IRAG1: variants seen among roughly 807,000 people sequenced by gnomAD.
IRAG1 encodes inositol 1,4,5-triphosphate receptor associated 1.
Under a neutral mutation model 106.2 loss-of-function variants are expected in IRAG1, and 62 were observed. The observed-to-expected ratio is 0.58, with a 90% CI of 0.48 to 0.72. The LOEUF (loss-of-function observed/expected upper bound fraction) is 0.72, where lower values mean the gene tolerates loss of function less well. IRAG1 is among the 30% of genes least tolerant of loss of function. The probability of loss-of-function intolerance (pLI) is 0.00; values close to 1 mark genes in which losing one functional copy is unlikely to be tolerated. For missense variants in IRAG1, 1,064 were observed against 1,140.7 expected (o/e 0.93, Z 0.97); for synonymous variants, 462 against 443.9 (o/e 1.04, Z -0.51).
intron 5 of IRAG1, 59 bp downstream of exon 5, chr11:10,629,479 C>T: frequency 1.3e-6 from 2 of 1,557,446 alleles, no homozygotes; most frequent in South Asian, 1.2e-5. Flanking sequence ...GGTGCCAGGC[C>T]CTTCCCTCCC....
chr11:10,632,998 T>C (rs1251037480), intron 3 of IRAG1, among the ~76,000 whole-genome samples: 1 of 152,228 alleles, frequency 6.6e-6, no homozygotes, highest in Admixed American at 6.5e-5. Flanking sequence ...CTTGTATTAA[T>C]GAGGTAAGTA....
intron 1 of IRAG1, among the ~76,000 whole-genome samples, chr11:10,676,947 G>A (rs1860728835): frequency 6.6e-6 from 1 of 152,174 alleles, no homozygotes; most frequent in South Asian, 2.1e-4. Context: ...CCTGTCCTCA[G>A]TCTCTCGTTC....
chr11:10,637,454 T>C (rs1857225245), intron 2 of IRAG1, among the ~76,000 whole-genome samples: 1 of 152,168 alleles, frequency 6.6e-6, no homozygotes, highest in Non-Finnish European at 1.5e-5. Flanking sequence ...ATAGTATGCC[T>C]TGATGGGCTG....
intron 1 of IRAG1, among the ~76,000 whole-genome samples, chr11:10,667,337 G>T (rs1341657090): frequency 6.6e-6 from 1 of 152,120 alleles, no homozygotes; most frequent in Admixed American, 6.5e-5. Context: ...GGGCTGGAAT[G>T]CTGGCTGGGG....
intron 1 of IRAG1, among the ~76,000 whole-genome samples, chr11:10,667,571 T>G (rs532646785): frequency 6.6e-6 from 1 of 152,282 alleles, no homozygotes; most frequent in South Asian, 2.1e-4. Flanking sequence ...ATTCTACATG[T>G]CCAGATGAGA....
Position 10,659,136 on chromosome 11 carries a change from C to G in IRAG1, c.68-6954G>C, listed in dbSNP as rs1238245296. Among the ~76,000 whole-genome samples the G allele has an allele frequency of 6.6e-6, 1 of 152,212 alleles. No homozygotes were observed. The highest frequency in any genetic ancestry group is 1.9e-4 in the East Asian group (1 of 5,206). On this transcript the variant is annotated intron_variant, in intron 1 of 20. Coordinates refer to ENST00000423302, the MANE Select transcript of IRAG1 (RefSeq NM_130385.4). This position sits in a 1 kb window ranked among gnomAD's most constrained non-coding sequence, Gnocchi z 4.1. ...CACTATCCCTGTACTCATGATGACT[C>G]CCCCAAAACAGAGGTTTTTGTTCCA...
In IRAG1 at chr11:10,626,533, C is replaced by T; in HGVS notation, c.801G>A (p.Val267=). The change falls in exon 9 of 21, where the codon GTG becomes GTA. Residue 267 remains valine (V), a synonymous_variant. Transcript: ENST00000423302. The stretch of plus-strand genomic sequence containing the variant: ...GACGAGGAGCCAGCCTGCCCTGAGA[C>T]ACTTTCCTCTGGTCATTCTGCTTCC... ...ADRKQNDQRK[V]SQGRLAPRPP... 6.2e-7 allele frequency: 1 copy of T among 1,613,140 alleles called. No homozygotes were observed. Among genetic ancestry groups the T allele is most frequent in the Non-Finnish European group, 8.5e-7 (1 of 1,179,440 alleles).
At chr11:10,599,108 C>T (rs950552490) in intron 15 of IRAG1, among the ~76,000 whole-genome samples, 4 of 152,184 alleles carry the variant, frequency 2.6e-5, no homozygotes, top group South Asian at 2.1e-4. Flanking sequence ...ACCTTTCCTA[C>T]GGTAAGCGTT....
At chr11:10,643,255 A>G (rs1456782077) in intron 2 of IRAG1, among the ~76,000 whole-genome samples, 1 of 147,542 alleles carries the variant, frequency 6.8e-6, no homozygotes, top group African/African-American at 2.5e-5. Context: ...TCCTAGGGGC[A>G]CAGGAGAGAG....
At chr11:10,648,848 C>G (rs192426737) in intron 2 of IRAG1, among the ~76,000 whole-genome samples, 39 of 152,226 alleles carry the variant, frequency 2.6e-4, no homozygotes, top group African/African-American at 8.4e-4. Flanking sequence ...GAAAGAGAAA[C>G]AGGATCTAGT....
intron 1 of IRAG1, among the ~76,000 whole-genome samples, chr11:10,692,924 C>T (rs546028929): frequency 2.6e-5 from 4 of 152,256 alleles, no homozygotes; most frequent in South Asian, 2.1e-4. Flanking sequence ...GGGCCGGGCA[C>T]GGGCCGGGCA....
chr11:10,684,851 G>C (rs544985641), intron 1 of IRAG1, among the ~76,000 whole-genome samples: 4 of 152,236 alleles, frequency 2.6e-5, no homozygotes, highest in Non-Finnish European at 5.9e-5. Flanking sequence ...GGTGGGATCT[G>C]CAATTTCTTG....
chr11:10,638,853 A>C (rs1369832268), intron 2 of IRAG1, among the ~76,000 whole-genome samples: 1 of 152,224 alleles, frequency 6.6e-6, no homozygotes, highest in Non-Finnish European at 1.5e-5. Flanking sequence ...GGAGAGTTAT[A>C]GCATATATCC....
intron 2 of IRAG1, among the ~76,000 whole-genome samples, chr11:10,643,591 A>G (rs918064823): frequency 1.3e-5 from 2 of 152,088 alleles, no homozygotes; most frequent in African/African-American, 4.8e-5. Flanking sequence ...CATATCTACT[A>G]TCCTCCCTTC....
rs764632795 is a variant in IRAG1, at chr11:10,687,827, G to A, written c.67+5709C>T. ...GAAATAATAAGACCTAATGTATACC[G>A]AGTGCTAAGAATAGACAGTGGGCTA... is the stretch of plus-strand genomic sequence containing the variant. On this transcript the variant is annotated intron_variant, in intron 1 of 20. Coordinates refer to ENST00000423302, the MANE Select transcript of IRAG1 (RefSeq NM_130385.4). 7.5e-5 allele frequency: 96 copies of A among 1,286,466 alleles called. No individual in the cohort carries two copies. In the Admixed American group the frequency reaches 1.8e-3, roughly 24 times the overall value. The allele number at this position is 1,286,466 out of a possible 1,614,324, so 79.7% of individuals were successfully genotyped here.
chr11:10,692,775 T>G (rs1023552418), intron 1 of IRAG1, among the ~76,000 whole-genome samples: 3 of 152,196 alleles, frequency 2.0e-5, no homozygotes, highest in Admixed American at 6.5e-5. Flanking sequence ...CCTTTACAAC[T>G]GTTTCCTGGG....
rs1419854477 is a variant in IRAG1 at position 10,693,652 on chromosome 11, T to C, written c.-50A>G. ...CCGGAGCTCAGAGCCGAGAAGCCTC[T>C]GGCTGCAGAACCTCGGCCGCACGCC... On this transcript the variant is annotated 5_prime_UTR_variant, in exon 1 of 21. Coordinates refer to ENST00000423302, the MANE Select transcript of IRAG1 (RefSeq NM_130385.4). 2 of 1,531,770 alleles carry C rather than the reference T, an allele frequency of 1.3e-6. No individual in the cohort carries two copies. The highest frequency in any genetic ancestry group is 1.2e-5 in the South Asian group (1 of 83,908). The allele number at this position is 1,531,770 out of a possible 1,614,324, so 94.9% of individuals were successfully genotyped here.
intron 14 of IRAG1, among the ~76,000 whole-genome samples, chr11:10,601,727 T>A (rs1854033104): frequency 6.6e-6 from 1 of 152,066 alleles, no homozygotes; most frequent in Non-Finnish European, 1.5e-5. Context: ...TCCCTTAAAG[T>A]AAGAGAGTAA....
At chr11:10,643,746 C>T (rs1309695820) in intron 2 of IRAG1, among the ~76,000 whole-genome samples, 1 of 152,160 alleles carries the variant, frequency 6.6e-6, no homozygotes, top group Non-Finnish European at 1.5e-5. Context: ...CCATCCCTCC[C>T]TCCCTCCCTA....
Sources: gnomAD v4.1 joint callset for allele counts (sites outside exome capture counted in the v4.1 genomes callset) on GRCh38, gnomAD v4.1.1 for gene constraint, Gnocchi (gnomAD v3.1) non-coding constraint, MANE v1.5 for transcripts, NCBI Gene and HGNC (gene_info 2026-07-23, HGNC 2026-07-21) for gene names.